Variants in MAGI2 observed in about 807,000 individuals in gnomAD.
MAGI2 encodes the protein membrane-associated guanylate kinase, WW and PDZ domain-containing protein 2.
MAGI2 carries 35 observed loss-of-function variants against 133.3 expected under a neutral mutation model. That is an observed-to-expected ratio of 0.26 (90% CI 0.20 to 0.35). The LOEUF (loss-of-function observed/expected upper bound fraction) is 0.35. MAGI2 is among the 10% of genes least tolerant of loss of function. The probability of loss-of-function intolerance (pLI) is 1.00; values close to 1 mark genes in which losing one functional copy is unlikely to be tolerated. For missense variants in MAGI2, 1,636 were observed against 1,863.4 expected (o/e 0.88, Z 2.25); for synonymous variants, 729 against 710.6 (o/e 1.03, Z -0.41).
intron 1 of MAGI2, among the ~76,000 whole-genome samples, chr7:79,105,784 A>G (rs1410783645): frequency 6.6e-6 from 1 of 152,012 alleles, no homozygotes; most frequent in Non-Finnish European, 1.5e-5. Flanking sequence ...AGATTTAACC[A>G]TATCTCTAAG....
intron 6 of MAGI2, among the ~76,000 whole-genome samples, chr7:78,423,123 A>T (rs1256936398): frequency 1.3e-5 from 2 of 152,228 alleles, no homozygotes; most frequent in Admixed American, 6.5e-5. Context: ...CTCATCTTGT[A>T]TTGTAACTCC....
chr7:78,615,359 G>A (rs774181198), intron 3 of MAGI2: 4 of 152,154 alleles, frequency 2.6e-5, no homozygotes, highest in Non-Finnish European at 5.9e-5. Context: ...TTTCATCCCA[G>A]GTATAATAAA....
At chr7:79,024,895 A>T (rs773473889) in intron 1 of MAGI2, among the ~76,000 whole-genome samples, 9 of 152,176 alleles carry the variant, frequency 5.9e-5, no homozygotes, top group Non-Finnish European at 1.2e-4. Context: ...ACACTTATGC[A>T]TTGCTGCTGG....
At chr7:78,758,829 T>C (rs1248620548) in intron 2 of MAGI2, among the ~76,000 whole-genome samples, 1 of 152,242 alleles carries the variant, frequency 6.6e-6, no homozygotes, top group Non-Finnish European at 1.5e-5. Context: ...CAAAATCTTA[T>C]GTAGGTTCCT....
rs117203808 is a variant in MAGI2 at position 79,279,605 on chromosome 7, C to G, written c.301+173415G>C. On this transcript the variant is annotated intron_variant, in intron 1 of 21. Transcript: ENST00000354212. ...AATCACTTGAGCCCAGGAGGTCAAA[C>G]CTGCAGTGAGCCCTGATTGAGCTAC... Among the ~76,000 whole-genome samples, 65 of 152,256 alleles carry G rather than the reference C, an allele frequency of 4.3e-4. No homozygotes were observed. The East Asian group carries it at 0.012, about 28-fold the overall frequency.
chr7:79,117,784 C>A (rs917083386), intron 1 of MAGI2, among the ~76,000 whole-genome samples: 1 of 152,178 alleles, frequency 6.6e-6, no homozygotes, highest in East Asian at 1.9e-4. Context: ...TCTCTGAATT[C>A]CTTTCCTGGC....
chr7:78,677,615 C>A (rs73380234), intron 2 of MAGI2, among the ~76,000 whole-genome samples: 1,660 of 152,092 alleles, frequency 0.011, 34 homozygotes, highest in African/African-American at 0.038. Context: ...ATGACCATGA[C>A]TGGCATTTGC....
At chr7:78,814,530 T>A (rs571058142) in intron 2 of MAGI2, among the ~76,000 whole-genome samples, 4 of 152,320 alleles carry the variant, frequency 2.6e-5, no homozygotes, top group African/African-American at 9.6e-5. Flanking sequence ...AAAGGTGAAC[T>A]GAGTAAATTT....
At chr7:78,489,882 A>G in intron 5 of MAGI2, 42 bp from the exon 6 acceptor site, 1 of 1,435,816 alleles carries the variant, frequency 7.0e-7, no homozygotes, top group Non-Finnish European at 9.6e-7. Context: ...ACATACTAAA[A>G]GGAATCAAGT....
intron 9 of MAGI2, among the ~76,000 whole-genome samples, chr7:78,309,229 C>T (rs1051499261): frequency 1.3e-5 from 2 of 152,102 alleles, no homozygotes; most frequent in African/African-American, 4.8e-5. Flanking sequence ...CAAAAAGACA[C>T]ATGCATTTGT....
chr7:78,972,761 T>C (rs1422506176), intron 2 of MAGI2, among the ~76,000 whole-genome samples: 1 of 151,928 alleles, frequency 6.6e-6, no homozygotes, highest in Non-Finnish European at 1.5e-5. Flanking sequence ...TGTATAACCA[T>C]AGCAATCAGG....
At chr7:78,192,438 ATCTTTT>A (rs1828312276) in intron 12 of MAGI2, among the ~76,000 whole-genome samples, 1 of 152,170 alleles carries the variant, frequency 6.6e-6, no homozygotes, top group Non-Finnish European at 1.5e-5. Flanking sequence ...ATTAATTAAA[ATCTTTT>A]TCTTTTAGTA....
chr7:78,080,947 C>T (rs917462923), intron 20 of MAGI2, among the ~76,000 whole-genome samples: 7 of 152,202 alleles, frequency 4.6e-5, no homozygotes, highest in African/African-American at 1.7e-4. Context: ...TTCCAGTATT[C>T]CCCTGTCCCT....
chr7:78,133,161 C>G (rs1295254117), intron 17 of MAGI2, 101 bp from the exon 18 acceptor site: 1 of 927,118 alleles, frequency 1.1e-6, no homozygotes, highest in Non-Finnish European at 1.6e-6. Flanking sequence ...ATGGCTCAGG[C>G]TTTGGTTATT....
chr7:78,611,581 A>C (rs1302010055), intron 3 of MAGI2, among the ~76,000 whole-genome samples: 3 of 152,228 alleles, frequency 2.0e-5, no homozygotes, highest in East Asian at 1.9e-4. Context: ...GTTTTTGCTG[A>C]AAATGAGGAC....
rs1317553948 is a variant in MAGI2, at chr7:78,991,338, A to ACC, written c.418+15750_418+15751dup. 5.3e-5 allele frequency among the ~76,000 whole-genome samples: 8 copies of ACC among 151,602 alleles called. 1 individual carries two copies. The South Asian group carries it at 1.0e-3, about 20-fold the overall frequency. ...CACATACACACACACACACACACAC[A>ACC]CCCCTACATATACACATCATATTTC... On this transcript the variant is annotated intron_variant, in intron 2 of 21. Coordinates refer to ENST00000354212, the MANE Select transcript of MAGI2 (RefSeq NM_012301.4).
At chr7:79,235,656 G>A (rs930089526) in intron 1 of MAGI2, among the ~76,000 whole-genome samples, 13 of 152,090 alleles carry the variant, frequency 8.5e-5, no homozygotes, top group African/African-American at 1.7e-4. Context: ...TTCGGCTCGC[G>A]CACGGTGCGC....
At chr7:78,732,739 T>C (rs1001276938) in intron 2 of MAGI2, among the ~76,000 whole-genome samples, 8 of 152,130 alleles carry the variant, frequency 5.3e-5, no homozygotes, top group Admixed American at 6.5e-5. Context: ...TCCAAGTAGA[T>C]GGCAATGATT....
chr7:79,069,968 A>G (rs1814791527), intron 1 of MAGI2, among the ~76,000 whole-genome samples: 1 of 152,192 alleles, frequency 6.6e-6, no homozygotes, highest in Non-Finnish European at 1.5e-5. Context: ...TTCTGACAAG[A>G]GATCTGCTGT....
Sources: gnomAD v4.1 joint callset for allele counts (sites outside exome capture counted in the v4.1 genomes callset) on GRCh38, gnomAD v4.1.1 for gene constraint, MANE v1.5 for transcripts, NCBI Gene and HGNC (gene_info 2026-07-23, HGNC 2026-07-21) for gene names.